The following MZT2A variants were observed in gnomAD, a reference collection of about 807,000 sequenced individuals.
The protein encoded by MZT2A is mitotic spindle organizing protein 2A, also known as mitotic-spindle organizing protein 2A.
MZT2A carries 8 observed loss-of-function variants against 12.4 expected under a neutral mutation model. The observed-to-expected ratio is 0.64, with a 90% CI of 0.38 to 1.16. The LOEUF is 1.16. Ranked by LOEUF, MZT2A falls within the 50% of genes most tolerant of loss-of-function variation. The pLI is 0.01. For synonymous variants in MZT2A, 88 were observed against 107.5 expected (o/e 0.82, Z 1.12); for missense variants, 181 against 223.6 (o/e 0.81, Z 1.22).
At chr2:131,488,127 C>T (rs927266160) in intron 2 of MZT2A, among the ~76,000 whole-genome samples, 4 of 152,166 alleles carry the variant, frequency 2.6e-5, no homozygotes. Flanking sequence ...ATGTGTGGCT[C>T]GAAGTTCCTG....
At chr2:131,488,914 C>T (rs867530727) in intron 2 of MZT2A, among the ~76,000 whole-genome samples, 46 of 150,448 alleles carry the variant, frequency 3.1e-4, no homozygotes, top group Admixed American at 4.0e-4. Context: ...AGCCCCCATT[C>T]GCTCACATGG....
At chr2:131,477,692 A>G (rs1678719259) in intron 2 of MZT2A, among the ~76,000 whole-genome samples, 1 of 151,180 alleles carries the variant, frequency 6.6e-6, no homozygotes, top group South Asian at 2.1e-4. Context: ...GTGGTGAATG[A>G]TGGACGGGGT....
upstream of MZT2A, chr2:131,492,864 C>T (rs1213548871): frequency 1.3e-5 from 19 of 1,495,408 alleles, no homozygotes; most frequent in Non-Finnish European, 1.7e-5. Flanking sequence ...TGAGCCCTAC[C>T]TTGGGGCGCC....
At chr2:131,492,922 C>A, upstream of MZT2A, 1 of 1,520,704 alleles carries the variant, frequency 6.6e-7, no homozygotes, top group Non-Finnish European at 8.9e-7. Flanking sequence ...CACTCCCTCC[C>A]CCCGCACTCC....
upstream of MZT2A, chr2:131,492,952 C>CCTGG (rs1679410757): frequency 1.3e-6 from 2 of 1,525,520 alleles, no homozygotes; most frequent in African/African-American, 2.8e-5. Context: ...ATTTCCCCTC[C>CCTGG]CTGGCCGGCC....
intron 2 of MZT2A, among the ~76,000 whole-genome samples, chr2:131,487,513 A>G (rs1679099333): frequency 6.6e-6 from 1 of 152,220 alleles, no homozygotes; most frequent in African/African-American, 2.4e-5. Flanking sequence ...AAGAAAATGC[A>G]CAATTAGCTC....
chr2:131,472,132 TG>T (rs752735068), exon 3 of MZT2A: 89 of 1,290,280 alleles, frequency 6.9e-5, no homozygotes, highest in Non-Finnish European at 8.6e-5. Context: ...CCGTAGCTGC[TG>T]TGTGAAATCT....
rs1678957292 is a variant in MZT2A, at chr2:131,484,118, A to G, written c.420T>C (p.Ala140=). The change falls in exon 3 of 3, where the codon GCT becomes GCC. Residue 140 remains alanine (A), a synonymous_variant. Transcript: ENST00000309451. ...GCCCGCCCCCCTTGGGCAGCCTGGT[A>G]GCGCTGGGCTGGCGTGGCATCCTCT... The part of the protein sequence containing the change: ...SSQRMPRQPS[A]TRLPKGGGPG... The G allele has an allele frequency of 6.2e-7, 1 of 1,613,974 alleles. No individual in the cohort carries two copies. The highest frequency in any genetic ancestry group is 8.5e-7 in the Non-Finnish European group (1 of 1,179,936).
At chr2:131,485,318 T>A (rs1465014376) in intron 2 of MZT2A, among the ~76,000 whole-genome samples, 2 of 152,174 alleles carry the variant, frequency 1.3e-5, no homozygotes, top group Non-Finnish European at 2.9e-5. Flanking sequence ...GGCTGGGGCT[T>A]GCATGTTCCC....
Position 131,492,234 on chromosome 2 carries a change from C to T in MZT2A, c.143G>A (p.Gly48Asp), listed in dbSNP as rs763703642. 3 of 1,584,562 alleles carry T rather than the reference C, an allele frequency of 1.9e-6. No individual in the cohort carries two copies. The highest frequency in any genetic ancestry group is 2.7e-5 in the African/African-American group (2 of 74,102). ...GAACACGTCGGGGTCGATACCGCCG[C>T]CCGCCGCCTGAGCCAGCTCGTACAG... ...MELYELAQAA[G>D]GGIDPDVFKI... The change falls in exon 1 of 3, where the codon GGC (glycine) becomes GAC (aspartate). Residue 48 changes from glycine (G) to aspartate (D), a missense_variant. Gly to Asp is a moderately conservative substitution (Grantham distance 94, BLOSUM62 -1). Around this residue, in one of 3 missense-constraint regions of MZT2A, gnomAD observed 106 missense variants for 127.2 expected, o/e 0.83. Coordinates refer to ENST00000309451, the MANE Select transcript of MZT2A (RefSeq NM_001085365.2).
intron 2 of MZT2A, among the ~76,000 whole-genome samples, chr2:131,488,018 C>T (rs12988043): frequency 0.015 from 2,252 of 152,282 alleles, 38 homozygotes; most frequent in Middle Eastern, 0.041. Context: ...CCAGCAGCCT[C>T]GGCCTCCCAA....
chr2:131,490,831 G>T, intron 2 of MZT2A: 1 of 1,550,030 alleles, frequency 6.5e-7, no homozygotes, highest in South Asian at 1.2e-5. Flanking sequence ...CAGGCTGCGG[G>T]CTGGAGGAAA....
chr2:131,486,023 C>T (rs1447842407), intron 2 of MZT2A, among the ~76,000 whole-genome samples: 2 of 151,426 alleles, frequency 1.3e-5, no homozygotes, highest in Non-Finnish European at 2.9e-5. Context: ...CTCATTCTTG[C>T]CTGGTGGTGG....
At chr2:131,492,918 C>T (rs1679407745), upstream of MZT2A, 1 of 1,519,062 alleles carries the variant, frequency 6.6e-7, no homozygotes, top group Non-Finnish European at 8.9e-7. Flanking sequence ...GGACCACTCC[C>T]TCCCCCCGCA....
At chr2:131,490,428 C>T (rs953914100) in intron 2 of MZT2A, 1 of 1,277,730 alleles carries the variant, frequency 7.8e-7, no homozygotes. Flanking sequence ...TGGCTGTCTT[C>T]CCCTGGAGAG....
chr2:131,484,161 T>C lies in MZT2A; in HGVS notation c.377A>G (p.Asn126Ser). ...CATCCTCTGGCTGGATCCCTCGTGG[T>C]TGCTGCGTTCCGCCAGGGCCAATAC... Reference protein sequence around the residue: ...GGVLALAERSNHEGSSQRMPR... With the variant: ...GGVLALAERSSHEGSSQRMPR... The change falls in exon 3 of 3, where the codon AAC becomes AGC. Residue 126 changes from asparagine (N) to serine (S), a missense_variant. Around this residue, in one of 3 missense-constraint regions of MZT2A, gnomAD observed 72 missense variants for 76.9 expected, o/e 0.94. Coordinates refer to ENST00000309451, the MANE Select transcript of MZT2A (RefSeq NM_001085365.2). 4.3e-6 allele frequency: 7 copies of C among 1,614,132 alleles called. No individual in the cohort carries two copies. Among genetic ancestry groups the C allele is most frequent in the South Asian group, 1.1e-5 (1 of 91,084 alleles).
chr2:131,479,973 C>T (rs557940576), downstream of MZT2A: 4 of 1,453,152 alleles, frequency 2.8e-6, no homozygotes, highest in Admixed American at 9.6e-5. Flanking sequence ...GAATCCATAT[C>T]AACTCTTTAG....
chr2:131,471,589 A>G (rs1464757389), intron 3 of MZT2A, among the ~76,000 whole-genome samples: 2 of 151,370 alleles, frequency 1.3e-5, no homozygotes, highest in Non-Finnish European at 2.9e-5. Flanking sequence ...ACATTTTAAC[A>G]TATGTCCTCT....
intron 2 of MZT2A, chr2:131,490,362 C>T (rs1679239170): frequency 2.8e-5 from 30 of 1,085,960 alleles, no homozygotes; most frequent in Non-Finnish European, 3.1e-5. Flanking sequence ...TCTAAGAGGC[C>T]GAGGCGTTTG....
Sources: allele counts gnomAD v4.1 joint callset (sites outside exome capture counted in the v4.1 genomes callset), GRCh38; gene constraint gnomAD v4.1.1; regional missense constraint gnomAD v4.1.1; transcripts MANE v1.5; gene names NCBI Gene and HGNC (gene_info 2026-07-23, HGNC 2026-07-21).